The following RANBP9 variants were observed in gnomAD, a reference collection of about 807,000 sequenced individuals.
RANBP9 encodes RAN binding protein 9, also known as ran-binding protein 9.
A neutral mutation model predicts 84.3 loss-of-function variants in RANBP9; 15 were observed. The ratio of observed to expected loss-of-function variants is 0.18; its 90% CI spans 0.12 to 0.27. RANBP9 has a LOEUF of 0.27. Among genes scored for constraint, RANBP9 ranks in the 10% least tolerant of loss-of-function variants. The pLI is 1.00. For synonymous variants in RANBP9, 392 were observed against 349.6 expected, an observed-to-expected ratio of 1.12 and a Z score of -1.35; for missense variants, 809 against 912.8, an observed-to-expected ratio of 0.89 and a Z score of 1.46.
Position 13,641,201 on chromosome 6 carries a change from T to C in RANBP9, c.1332A>G (p.Leu444=), listed in dbSNP as rs747911691. The change falls in exon 8 of 14, where the codon TTA becomes TTG. Residue 444 remains leucine (L), a splice_region_variant and synonymous_variant. Coordinates refer to ENST00000011619, the MANE Select transcript of RANBP9 (RefSeq NM_005493.3). The part of the protein sequence containing the change: ...LERNPNLLFT[L]KVRQFIEMVN... ...AGCATTTTATTATGCAAACTCACTTTAATGTGAAAAGGAGATTAGGATTTC... is the reference window on the plus strand; with the variant it reads ...AGCATTTTATTATGCAAACTCACTTCAATGTGAAAAGGAGATTAGGATTTC... 6.6e-7 allele frequency: 1 copy of C among 1,522,574 alleles called. No homozygotes were observed. Among genetic ancestry groups the C allele is most frequent in the Non-Finnish European group, 9.0e-7 (1 of 1,113,922 alleles). 94.3% of individuals were successfully genotyped at this position (1,522,574 alleles called of 1,614,324 possible). A position where few individuals can be genotyped will look rare whatever the true frequency, so the allele number is the denominator to read the frequency against.
intron 2 of RANBP9, among the ~76,000 whole-genome samples, chr6:13,668,426 A>G (rs1033115463): frequency 2.0e-5 from 3 of 152,122 alleles, no homozygotes; most frequent in Admixed American, 6.5e-5. Flanking sequence ...CAAAAAAACT[A>G]CAGAAAAAAT....
At chr6:13,657,404 T>G (rs1306252926) in intron 3 of RANBP9, 128 bp from the exon 4 acceptor site, 8 of 653,910 alleles carry the variant, frequency 1.2e-5, no homozygotes, top group Non-Finnish European at 1.6e-5. Context: ...AATGTACATT[T>G]AAATTCTCAA....
At chr6:13,676,793 G>T (rs1168176457) in intron 2 of RANBP9, among the ~76,000 whole-genome samples, 2 of 151,898 alleles carry the variant, frequency 1.3e-5, no homozygotes, top group African/African-American at 4.8e-5. Context: ...TGCAGAAAAC[G>T]CATCTGACAA....
At position 13,658,817 on chromosome 6, in the gene RANBP9, A is replaced by G. The variant is rs1180745581; in HGVS notation, c.699T>C (p.Gly233=). ...TCATGTTCACACCTTGAGCAGAAAG[A>G]CCAATTCCCATGTAACTGTTGGCGG... ...SKGRDGYMGI[G]LSAQGVNMNR... is the part of the protein sequence containing the mutation. Residue 233 remains glycine, a synonymous_variant, in exon 3 of 14, where the codon GGT becomes GGC. Coordinates refer to ENST00000011619, the MANE Select transcript of RANBP9 (RefSeq NM_005493.3). 1 of 1,576,462 alleles carries G rather than the reference A, an allele frequency of 6.3e-7. No homozygotes were observed. The highest frequency in any genetic ancestry group is 2.2e-5 in the East Asian group (1 of 44,692).
intron 10 of RANBP9, among the ~76,000 whole-genome samples, chr6:13,636,215 C>CA (rs1764937035): frequency 6.6e-6 from 1 of 152,154 alleles, no homozygotes; most frequent in Non-Finnish European, 1.5e-5. Flanking sequence ...AACGCAGCCT[C>CA]AGCTCTGCAA....
chr6:13,657,655 C>T (rs1584927064), intron 3 of RANBP9, among the ~76,000 whole-genome samples: 1 of 152,274 alleles, frequency 6.6e-6, no homozygotes, highest in Admixed American at 6.5e-5. Flanking sequence ...TAAGAGATTA[C>T]ATCCTATTCA....
At chr6:13,633,730 G>A (rs1392516681) in intron 11 of RANBP9, among the ~76,000 whole-genome samples, 12 of 152,118 alleles carry the variant, frequency 7.9e-5, no homozygotes. Flanking sequence ...AACAATTTTA[G>A]TAATACCACT....
rs957575293 is a variant in RANBP9 at position 13,710,843 on chromosome 6, G to GCGGGGGT, written c.571+85_571+91dup. ...GCCTCCGAGGGCAGAGCCCGCGAGG[G>GCGGGGGT]CGGGGGTCGGGGGCGGGTCGAGAGC... On this transcript the variant is annotated intron_variant, in intron 1 of 13. Coordinates refer to ENST00000011619, the MANE Select transcript of RANBP9 (RefSeq NM_005493.3). 11 of 1,372,354 alleles carry GCGGGGGT rather than the reference G, an allele frequency of 8.0e-6. No homozygotes were observed. The Admixed American group carries it at 1.8e-4, about 23-fold the overall frequency. 85.0% of individuals were successfully genotyped at this position (1,372,354 alleles called of 1,614,324 possible). A position where few individuals can be genotyped will look rare whatever the true frequency, so the allele number is the denominator to read the frequency against.
chr6:13,673,341 A>G (rs1448108534), intron 2 of RANBP9, among the ~76,000 whole-genome samples: 4 of 152,228 alleles, frequency 2.6e-5, no homozygotes, highest in African/African-American at 9.6e-5. Flanking sequence ...ACTTTCTCAG[A>G]CAAACAAAAA....
chr6:13,637,907 G>A lies in RANBP9; in HGVS notation c.1574C>T (p.Ser525Leu). 6.2e-7 allele frequency: 1 copy of A among 1,609,660 alleles called. No individual in the cohort carries two copies. Among genetic ancestry groups the A allele is most frequent in the African/African-American group, 1.3e-5 (1 of 74,874 alleles). The stretch of plus-strand genomic sequence containing the variant: ...CTGGTGTTTATTACTATGGCAATAT[G>A]ATTGATGTGCTTTATTTGATATTAC... ...NGVISNKAHQSYCHSNKHQSS... is the reference protein window; with the variant it reads ...NGVISNKAHQLYCHSNKHQSS... Residue 525 changes from serine to leucine, a missense_variant, in exon 10 of 14, where the codon TCA becomes TTA. Around this residue, in one of 5 missense-constraint regions of RANBP9, gnomAD observed 216 missense variants for 329.0 expected, o/e 0.66. Transcript: ENST00000011619.
chr6:13,624,299 G>A (rs1035375098), intron 13 of RANBP9, among the ~76,000 whole-genome samples: 1 of 152,162 alleles, frequency 6.6e-6, no homozygotes, highest in Non-Finnish European at 1.5e-5. Context: ...CATTCTTGCT[G>A]TAAGAGTCCT....
At chr6:13,704,805 T>A (rs977290704) in intron 1 of RANBP9, among the ~76,000 whole-genome samples, 1 of 152,162 alleles carries the variant, frequency 6.6e-6, no homozygotes, top group East Asian at 1.9e-4. Context: ...TATATCCTAC[T>A]CATCTTTTAA....
rs777928617 is a variant in RANBP9 at position 13,652,627 on chromosome 6, A to G, written c.927+32T>C. The G allele has an allele frequency of 4.5e-6, 7 of 1,540,238 alleles. No individual in the cohort carries two copies. In the South Asian group the frequency reaches 5.7e-5, roughly 13 times the overall value. ...GTTTCTTTATACTTCCTGTAATTAA[A>G]AATGGAAAACTGCTTTTAAAAAAAG... is the stretch of plus-strand genomic sequence containing the variant. On this transcript the variant is annotated intron_variant, in intron 5 of 13. Coordinates refer to ENST00000011619, the MANE Select transcript of RANBP9 (RefSeq NM_005493.3).
chr6:13,631,952 T>C (rs929827307), intron 12 of RANBP9, among the ~76,000 whole-genome samples: 3 of 152,134 alleles, frequency 2.0e-5, no homozygotes, highest in Non-Finnish European at 4.4e-5. Flanking sequence ...CAAAATGCTA[T>C]AAACCTGAAC....
chr6:13,636,808 CGT>C (rs1402318156), intron 10 of RANBP9, among the ~76,000 whole-genome samples: 2 of 152,278 alleles, frequency 1.3e-5, no homozygotes, highest in African/African-American at 2.4e-5. Flanking sequence ...ATTTTTGTCA[CGT>C]GTGACAGACA....
chr6:13,710,698 G>A (rs1366856264), intron 1 of RANBP9, among the ~76,000 whole-genome samples: 1 of 152,230 alleles, frequency 6.6e-6, no homozygotes, highest in Non-Finnish European at 1.5e-5. Context: ...AGGATTACCA[G>A]CTCCTTTCTA....
intron 4 of RANBP9, among the ~76,000 whole-genome samples, chr6:13,653,131 G>A (rs1159023923): frequency 4.6e-5 from 7 of 152,014 alleles, no homozygotes; most frequent in Admixed American, 3.9e-4. Context: ...TGTTATAAAA[G>A]GCAAACAAGG....
chr6:13,637,542 T>C (rs1289331001), intron 10 of RANBP9, among the ~76,000 whole-genome samples: 1 of 152,172 alleles, frequency 6.6e-6, no homozygotes, highest in Non-Finnish European at 1.5e-5. Flanking sequence ...AGACAATGCA[T>C]GAAGCCCTGA....
rs750400570 is a variant in RANBP9 at position 13,711,039 on chromosome 6, G to A, written c.467C>T (p.Pro156Leu). ...CGGCGTCTCTTGTTCGTCCACGGCC[G>A]GGTAGAGACGCTTCAGCCGCCGCTG... ...ELQRRLKRLY[P>L]AVDEQETPLP... The change falls in exon 1 of 14, where the codon CCG becomes CTG. Residue 156 changes from proline to leucine, a missense_variant. Coordinates refer to ENST00000011619, the MANE Select transcript of RANBP9 (RefSeq NM_005493.3). 6.9e-6 allele frequency: 11 copies of A among 1,595,578 alleles called. No homozygotes were observed. The highest frequency in any genetic ancestry group is 6.8e-5 in the South Asian group (6 of 88,636).
Sources: allele counts gnomAD v4.1 joint callset (sites outside exome capture counted in the v4.1 genomes callset), GRCh38; gene constraint gnomAD v4.1.1; regional missense constraint gnomAD v4.1.1; transcripts MANE v1.5; gene names NCBI Gene and HGNC (gene_info 2026-07-23, HGNC 2026-07-21).